Variants in CLCN3 observed in about 807,000 individuals in gnomAD.
The protein encoded by CLCN3 is H(+)/Cl(-) exchange transporter 3.
In CLCN3, 16 loss-of-function variants were observed where a neutral mutation model predicts 83.4. That is an observed-to-expected ratio of 0.19 (90% CI 0.13 to 0.29). The LOEUF (loss-of-function observed/expected upper bound fraction) is 0.29, where lower values mean the gene tolerates loss of function less well. Ranked by LOEUF, CLCN3 falls within the 10% of genes least tolerant of loss-of-function variation. CLCN3 has a pLI of 1.00. For synonymous variants in CLCN3, 322 were observed against 346.2 expected, an observed-to-expected ratio of 0.93 and a Z score of 0.78; for missense variants, 544 against 1,006.0, an observed-to-expected ratio of 0.54 and a Z score of 6.21.
chr4:169,678,324 C>T (rs1454942381), intron 2 of CLCN3, among the ~76,000 whole-genome samples: 1 of 152,180 alleles, frequency 6.6e-6, no homozygotes, highest in Non-Finnish European at 1.5e-5. Flanking sequence ...GAGAACATGC[C>T]ATAATCTTTT....
chr4:169,672,766 C>T (rs1226780434), intron 2 of CLCN3, among the ~76,000 whole-genome samples: 2 of 151,798 alleles, frequency 1.3e-5, no homozygotes, highest in African/African-American at 4.8e-5. Context: ...TGCATTCAAG[C>T]GATTCTCCTG....
intron 2 of CLCN3, among the ~76,000 whole-genome samples, chr4:169,641,566 T>C (rs1730413749): frequency 6.6e-6 from 1 of 152,214 alleles, no homozygotes. Flanking sequence ...ATATCTATTG[T>C]TAGATTGAGC....
In CLCN3 at chr4:169,661,837, A is replaced by G. The variant is rs189546708; in HGVS notation, c.161-18213A>G. ...ACGATCATAAATTCTTCTATTTCCT[A>G]TGTTCTGATTATCAGTTTTCTGGTA... On this transcript the variant is annotated intron_variant, in intron 2 of 12. Transcript: ENST00000513761. 9.9e-5 allele frequency among the ~76,000 whole-genome samples: 15 copies of G among 152,174 alleles called. No homozygotes were observed. The South Asian group carries it at 1.9e-3, about 19-fold the overall frequency.
rs574807939 is a variant in CLCN3 at position 169,690,232 on chromosome 4, G to A, written c.607-298G>A. Among the ~76,000 whole-genome samples the A allele has an allele frequency of 6.0e-5, 8 of 132,742 alleles. No homozygotes were observed. The East Asian group carries it at 9.9e-4, about 16-fold the overall frequency. The allele number at this position is 132,742 out of a possible 152,430, so 87.1% of individuals were successfully genotyped here. ...ACGATCTCGGCTCCCTGCAACCTCCGCTTCTGGGGTTTAAGCGATTCTTCT... is the reference window on the plus strand; with the variant it reads ...ACGATCTCGGCTCCCTGCAACCTCCACTTCTGGGGTTTAAGCGATTCTTCT... On this transcript the variant is annotated intron_variant, in intron 5 of 12. Transcript: ENST00000513761.
At chr4:169,714,875 ATTTGTC>A (rs1733367447) in intron 12 of CLCN3, among the ~76,000 whole-genome samples, 1 of 152,042 alleles carries the variant, frequency 6.6e-6, no homozygotes. Flanking sequence ...TATTGTTACT[ATTTGTC>A]TTTGTGTAAT....
In CLCN3 at chr4:169,638,639, G is replaced by A. The variant is rs149391011; in HGVS notation, c.160+2551G>A. Among the ~76,000 whole-genome samples the A allele has an allele frequency of 2.9e-3, 444 of 152,274 alleles. 2 individuals carry two copies. The highest frequency in any genetic ancestry group is 0.01 in the African/African-American group (423 of 41,556). On this transcript the variant is annotated intron_variant, in intron 2 of 12. Transcript: ENST00000513761. ...TGAGGCAGAAAATTAACTCCAGGAA[G>A]TAGAAAGATATAGGAAGAGCTGACT...
intron 3 of CLCN3, among the ~76,000 whole-genome samples, chr4:169,684,626 T>C (rs562621588): frequency 1.5e-4 from 23 of 152,276 alleles, no homozygotes; most frequent in African/African-American, 5.3e-4. Context: ...TCTGATTCCA[T>C]TGAAGGAAAA....
intron 2 of CLCN3, among the ~76,000 whole-genome samples, chr4:169,670,520 TTGTA>T (rs1731416803): frequency 6.6e-6 from 1 of 152,190 alleles, no homozygotes. Flanking sequence ...TTACTGAGCC[TTGTA>T]GTATAGTTTG....
chr4:169,637,820 A>G lies in CLCN3; in HGVS notation c.160+1732A>G, dbSNP rs541179049. On this transcript the variant is annotated intron_variant, in intron 2 of 12. Coordinates refer to ENST00000513761, the MANE Select transcript of CLCN3 (RefSeq NM_001829.4). ...TCATTTTTTTCCCATATGAATAACT[A>G]GTTGACCCCACACCATTTGTTGGAA... 7.2e-5 allele frequency among the ~76,000 whole-genome samples: 11 copies of G among 152,272 alleles called. No individual in the cohort carries two copies. The South Asian group carries it at 1.7e-3, about 23-fold the overall frequency.
In CLCN3 at chr4:169,689,074, C is replaced by T. The variant is rs1327677492; in HGVS notation, c.450C>T (p.Ala150=). The change falls in exon 5 of 13, where the codon GCC becomes GCT. Residue 150 remains alanine, a synonymous_variant. Coordinates refer to ENST00000513761, the MANE Select transcript of CLCN3 (RefSeq NM_001829.4). The part of the protein sequence containing the change: ...GALAGLIDIA[A]DWMTDLKEGI... ...TGGCCGGATTAATAGACATTGCTGC[C>T]GATTGGATGACTGACCTAAAGGAGG... 14 of 1,612,704 alleles carry T rather than the reference C, an allele frequency of 8.7e-6. No individual in the cohort carries two copies. The highest frequency in any genetic ancestry group is 1.1e-5 in the Non-Finnish European group (13 of 1,179,594).
In CLCN3 at chr4:169,680,061, A is replaced by G; in HGVS notation, c.172A>G (p.Thr58Ala). ...DGDTAVGTHYTMTNGGSINSS... is the reference protein window; with the variant it reads ...DGDTAVGTHYAMTNGGSINSS... ...TTTCTCTTCTGTAGGAACTCATTAT[A>G]CAATGACAAATGGAGGCAGCATTAA... The change falls in exon 3 of 13, where the codon ACA (threonine) becomes GCA (alanine). Residue 58 changes from threonine to alanine, a missense_variant. Thr to Ala is a moderately conservative substitution (Grantham distance 58). This residue lies in a region of CLCN3 where 77 missense variants were observed against 92.8 expected (regional missense o/e 0.83). Transcript: ENST00000513761. 6.2e-7 allele frequency: 1 copy of G among 1,611,904 alleles called. No individual in the cohort carries two copies. The highest frequency in any genetic ancestry group is 1.1e-5 in the South Asian group (1 of 90,996).
intron 8 of CLCN3, 64 bp downstream of exon 8, chr4:169,695,756 A>C: frequency 8.4e-7 from 1 of 1,193,308 alleles, no homozygotes; most frequent in Non-Finnish European, 1.2e-6. Context: ...TATTTCACAC[A>C]TTTCAGTTTT....
chr4:169,717,967 A>G, intron 12 of CLCN3: 2 of 691,470 alleles, frequency 2.9e-6, no homozygotes, highest in South Asian at 4.0e-5. Flanking sequence ...TATCTGCTGA[A>G]CAAAAATATC....
intron 3 of CLCN3, among the ~76,000 whole-genome samples, chr4:169,684,980 T>C (rs1422172652): frequency 1.3e-5 from 2 of 150,428 alleles, no homozygotes; most frequent in Non-Finnish European, 3.0e-5. Context: ...GGCTAATTTT[T>C]TTTTTTTTTT....
intron 3 of CLCN3, among the ~76,000 whole-genome samples, chr4:169,685,960 G>A (rs1299271436): frequency 2.0e-5 from 3 of 152,134 alleles, no homozygotes; most frequent in African/African-American, 7.2e-5. Flanking sequence ...TGTCATTTTA[G>A]TGGGGCGTTG....
intron 1 of CLCN3, among the ~76,000 whole-genome samples, chr4:169,629,248 T>C (rs1773308496): frequency 6.6e-6 from 1 of 150,498 alleles, no homozygotes; most frequent in South Asian, 2.1e-4. Flanking sequence ...GATGTTCCCA[T>C]TAATGGAAAC....
intron 3 of CLCN3, among the ~76,000 whole-genome samples, chr4:169,684,538 A>ATAATCC (rs562121370): frequency 1.8e-4 from 28 of 152,160 alleles, no homozygotes; most frequent in Non-Finnish European, 4.0e-4. Context: ...ATGTCCTTAG[A>ATAATCC]TAATCCTAAT....
In CLCN3 at chr4:169,689,239, T is replaced by TG. The variant is rs1732274437; in HGVS notation, c.606+10dup. 1.2e-6 allele frequency: 2 copies of TG among 1,601,016 alleles called. No homozygotes were observed. Among genetic ancestry groups the TG allele is most frequent in the East Asian group, 4.5e-5 (2 of 44,574 alleles). ...TCATAGGTCAAGCAGAGGTAAGTCT[T>TG]GCTTTGTCTCAAGATGAATTAATAA... On this transcript the variant is annotated intron_variant, in intron 5 of 12. Transcript: ENST00000513761.
At chr4:169,716,649 TCGATA>T (rs968907295) in intron 12 of CLCN3, among the ~76,000 whole-genome samples, 3 of 152,132 alleles carry the variant, frequency 2.0e-5, no homozygotes, top group Admixed American at 2.0e-4. Context: ...CTTTTAAGGA[TCGATA>T]CATTATTTTT....
Sources: allele counts gnomAD v4.1 joint callset (sites outside exome capture counted in the v4.1 genomes callset), GRCh38; gene constraint gnomAD v4.1.1; regional missense constraint gnomAD v4.1.1; transcripts MANE v1.5; gene names NCBI Gene and HGNC (gene_info 2026-07-23, HGNC 2026-07-21).